Variants in VEGFD observed in about 807,000 individuals in gnomAD.
VEGFD encodes the protein vascular endothelial growth factor D, also known as c-fos induced growth factor (vascular endothelial growth factor D).
VEGFD carries 26 observed loss-of-function variants against 28.0 expected under a neutral mutation model. The observed-to-expected ratio is 0.93, with a 90% CI of 0.68 to 1.29. The LOEUF is 1.29. Ranked by LOEUF, VEGFD falls within the 50% of genes most tolerant of loss-of-function variation. The pLI is 0.00. For missense variants in VEGFD, 294 were observed against 273.4 expected, an observed-to-expected ratio of 1.08 and a Z score of -0.53; for synonymous variants, 93 against 95.5, an observed-to-expected ratio of 0.97 and a Z score of 0.15.
intron 5 of VEGFD, among the ~76,000 whole-genome samples, chrX:15,349,725 T>C (rs1762964605): frequency 1.8e-5 from 2 of 111,868 alleles, no homozygotes; most frequent in Admixed American, 9.5e-5. Flanking sequence ...AAATTAGACT[T>C]GGATTCACTA....
rs181921523 is a variant in VEGFD at position 15,364,260 on chromosome X, C to T, written c.91-941G>A. ...GACAAAATACTTTTCTGGGGTTTTA[C>T]GCTCTAGAAGTATAAGAGTTTAATA... On this transcript the variant is annotated intron_variant, in intron 1 of 6. Coordinates refer to ENST00000297904, the MANE Select transcript of VEGFD (RefSeq NM_004469.5). 8.0e-5 allele frequency among the ~76,000 whole-genome samples: 9 copies of T among 111,832 alleles called. No homozygotes were observed. In the East Asian group the frequency reaches 1.7e-3, roughly 21 times the overall value.
chrX:15,369,004 C>T (rs1000935087), intron 1 of VEGFD, among the ~76,000 whole-genome samples: 1 of 112,090 alleles, frequency 8.9e-6, no homozygotes, highest in Admixed American at 9.5e-5. Context: ...ATGCTCCTTT[C>T]TGTGGTACAA....
intron 1 of VEGFD, among the ~76,000 whole-genome samples, chrX:15,367,357 C>T (rs1923172440): frequency 8.9e-6 from 1 of 112,083 alleles, no homozygotes; most frequent in South Asian, 3.7e-4. Flanking sequence ...GTGAAATTGG[C>T]TTGCCACAGC....
chrX:15,362,592 A>T (rs1406997241), intron 2 of VEGFD, among the ~76,000 whole-genome samples: 2 of 109,573 alleles, frequency 1.8e-5, no homozygotes, highest in African/African-American at 6.7e-5. Context: ...ATTTTTTTCT[A>T]TTTTTTTGTA....
intron 2 of VEGFD, among the ~76,000 whole-genome samples, chrX:15,360,341 CT>C (rs766015755): frequency 0.021 from 2,030 of 96,653 alleles, 26 homozygotes; most frequent in African/African-American, 0.055. Context: ...TCCTGAGAAA[CT>C]TTTTTTTTTT....
chrX:15,353,738 C>T (rs1194772352), intron 4 of VEGFD, among the ~76,000 whole-genome samples: 18 of 102,381 alleles, frequency 1.8e-4, no homozygotes, highest in Admixed American at 1.0e-4. Flanking sequence ...GAAACTCCGT[C>T]TCAAAAAAAA....
intron 6 of VEGFD, 80 bp from the exon 7 acceptor site, chrX:15,346,339 A>G: frequency 9.6e-7 from 1 of 1,039,221 alleles, no homozygotes; most frequent in Non-Finnish European, 1.3e-6. Context: ...GATTTGATTA[A>G]GTTTTCCAGA....
chrX:15,375,255 T>C (rs1297107070), intron 1 of VEGFD, among the ~76,000 whole-genome samples: 1 of 112,471 alleles, frequency 8.9e-6, no homozygotes, highest in Non-Finnish European at 1.9e-5. Context: ...TATTTTCAGA[T>C]AGAAGATGAA....
chrX:15,375,772 G>A (rs1334123971), intron 1 of VEGFD, among the ~76,000 whole-genome samples: 1 of 111,248 alleles, frequency 9.0e-6, no homozygotes, highest in Non-Finnish European at 1.9e-5. Flanking sequence ...GGTTTTTTAA[G>A]GACATACTAG....
intron 1 of VEGFD, among the ~76,000 whole-genome samples, chrX:15,365,437 A>G (rs920341066): frequency 8.9e-6 from 1 of 112,127 alleles, no homozygotes; most frequent in Non-Finnish European, 1.9e-5. Flanking sequence ...CTGGCCAACA[A>G]TGGTTATTCT....
At chrX:15,368,983 C>T (rs1923243167) in intron 1 of VEGFD, among the ~76,000 whole-genome samples, 1 of 112,223 alleles carries the variant, frequency 8.9e-6, no homozygotes, top group Non-Finnish European at 1.9e-5. Flanking sequence ...ACTTCACCAT[C>T]ATTTGAATGT....
chrX:15,346,242 G>A lies in VEGFD; in HGVS notation c.956C>T (p.Pro319Leu). The A allele has an allele frequency of 1.7e-6, 2 of 1,209,746 alleles. No individual in the cohort carries two copies. The highest frequency in any genetic ancestry group is 1.1e-6 in the Non-Finnish European group (1 of 894,486). ...ACTTGCACATGGTCTGGTATGAAAGGGGCATCTGTCCTCACAGCTGTTGCA... is the reference window on the plus strand; with the variant it reads ...ACTTGCACATGGTCTGGTATGAAAGAGGCATCTGTCCTCACAGCTGTTGCA... ...PDTCSCEDRC[P>L]FHTRPCASGK... Residue 319 changes from proline (P) to leucine (L), a missense_variant, in exon 7 of 7, where the codon CCC (proline) becomes CTC (leucine). Coordinates refer to ENST00000297904, the MANE Select transcript of VEGFD (RefSeq NM_004469.5).
chrX:15,351,961 AC>A (rs1238057607), intron 5 of VEGFD, among the ~76,000 whole-genome samples: 2 of 112,376 alleles, frequency 1.8e-5, no homozygotes, highest in Non-Finnish European at 3.8e-5. Context: ...TTTCAGTATA[AC>A]AACAGGAGTG....
At chrX:15,376,038 C>T (rs1307829836) in intron 1 of VEGFD, among the ~76,000 whole-genome samples, 2 of 111,495 alleles carry the variant, frequency 1.8e-5, no homozygotes, top group East Asian at 2.8e-4. Context: ...TGAATAACCC[C>T]AAGGGGTTTC....
intron 1 of VEGFD, among the ~76,000 whole-genome samples, chrX:15,364,542 A>T (rs1051654484): frequency 1.8e-5 from 2 of 112,372 alleles, no homozygotes; most frequent in Non-Finnish European, 3.8e-5. Flanking sequence ...GAACGAATTG[A>T]GATCCTTCCT....
chrX:15,371,118 C>T (rs916677832), intron 1 of VEGFD, among the ~76,000 whole-genome samples: 1 of 111,612 alleles, frequency 9.0e-6, no homozygotes, highest in African/African-American at 3.3e-5. Context: ...AACAAGTTCC[C>T]AGGTGATGGC....
chrX:15,372,311 T>A (rs1296170927), intron 1 of VEGFD, among the ~76,000 whole-genome samples: 2 of 111,867 alleles, frequency 1.8e-5, no homozygotes, highest in Non-Finnish European at 3.8e-5. Context: ...GTGGAAATTA[T>A]TGGATTAACT....
chrX:15,356,695 T>G (rs1254888812), intron 3 of VEGFD, among the ~76,000 whole-genome samples: 3 of 111,898 alleles, frequency 2.7e-5, no homozygotes, highest in Non-Finnish European at 3.8e-5. Flanking sequence ...CTAAACCCTC[T>G]TACGTTATGC....
chrX:15,352,868 G>A (rs940146577), intron 5 of VEGFD, among the ~76,000 whole-genome samples, 200 bp downstream of exon 5: 1 of 111,729 alleles, frequency 9.0e-6, no homozygotes, highest in African/African-American at 3.3e-5. Flanking sequence ...GAAATTACTC[G>A]ATATCTTGGT....
Sources: allele counts gnomAD v4.1 joint callset (sites outside exome capture counted in the v4.1 genomes callset), GRCh38; gene constraint gnomAD v4.1.1; transcripts MANE v1.5; gene names NCBI Gene and HGNC (gene_info 2026-07-23, HGNC 2026-07-21).